Variants in SHROOM3 observed in about 807,000 individuals in gnomAD.
SHROOM3 encodes the protein protein Shroom3.
Under a neutral mutation model 138.6 loss-of-function variants are expected in SHROOM3, and 47 were observed. The observed-to-expected ratio is 0.34, with a 90% CI of 0.27 to 0.43. SHROOM3 has a LOEUF of 0.43. Ranked by LOEUF, SHROOM3 falls within the 20% of genes least tolerant of loss-of-function variation. SHROOM3 has a pLI of 1.00. For missense variants in SHROOM3, 2,491 were observed against 2,596.5 expected, an observed-to-expected ratio of 0.96 and a Z score of 0.88; for synonymous variants, 1,062 against 1,063.3, an observed-to-expected ratio of 1.00 and a Z score of 0.02.
rs199533144 is a variant in SHROOM3, at chr4:76,436,156, G to A, written c.104G>A (p.Gly35Glu). Residue 35 changes from glycine (G) to glutamate (E), a missense_variant, in exon 1 of 11, where the codon GGA becomes GAA. Gly to Glu is a moderately conservative substitution (Grantham distance 98). Coordinates refer to ENST00000296043, the MANE Select transcript of SHROOM3 (RefSeq NM_020859.4). Reference sequence around the variant, plus strand: ...TATCTGGAGGCATTCCTGGAGGGAGGAGCTCCCTGGGGTTTTACTCTAAAG... The same window carrying A: ...TATCTGGAGGCATTCCTGGAGGGAGAAGCTCCCTGGGGTTTTACTCTAAAG... Reference protein sequence around the residue: ...YIYLEAFLEGGAPWGFTLKGG... With the variant: ...YIYLEAFLEGEAPWGFTLKGG... 53 of 1,613,946 alleles carry A rather than the reference G, an allele frequency of 3.3e-5. No homozygotes were observed. Among genetic ancestry groups the A allele is most frequent in the Non-Finnish European group, 4.2e-5 (50 of 1,179,956 alleles).
chr4:76,436,845 A>T (rs949837958), intron 1 of SHROOM3, among the ~76,000 whole-genome samples: 2 of 152,250 alleles, frequency 1.3e-5, no homozygotes, highest in African/African-American at 4.8e-5. Flanking sequence ...AGTCATACCA[A>T]TGAAATATTT....
chr4:76,678,786 G>T (rs6855455), intron 2 of SHROOM3, among the ~76,000 whole-genome samples: 1 of 151,936 alleles, frequency 6.6e-6, no homozygotes, highest in Non-Finnish European at 1.5e-5. Context: ...TCAGCCTCCC[G>T]AGTAGCTGGG....
At chr4:76,702,760 A>T (rs547457018) in intron 2 of SHROOM3, among the ~76,000 whole-genome samples, 1 of 152,146 alleles carries the variant, frequency 6.6e-6, no homozygotes, top group African/African-American at 2.4e-5. Flanking sequence ...TGGTTTTCTT[A>T]TGCACTTGTC....
chr4:76,759,087 T>A (rs1341579441), intron 8 of SHROOM3, among the ~76,000 whole-genome samples: 1 of 152,216 alleles, frequency 6.6e-6, no homozygotes, highest in East Asian at 1.9e-4. Flanking sequence ...CAACAGTGCA[T>A]AGTAGGCACT....
chr4:76,498,066 T>C (rs1329813256), intron 1 of SHROOM3, among the ~76,000 whole-genome samples: 1 of 152,166 alleles, frequency 6.6e-6, no homozygotes, highest in Non-Finnish European at 1.5e-5. Flanking sequence ...TCTCTCCTTC[T>C]GTGTCAATTA....
chr4:76,565,159 T>TAAAA (rs370033081), intron 2 of SHROOM3, among the ~76,000 whole-genome samples: 3 of 75,660 alleles, frequency 4.0e-5, no homozygotes, highest in African/African-American at 5.1e-5. Flanking sequence ...AGACTCCATT[T>TAAAA]CAAAAAAAAA....
At chr4:76,622,363 G>A (rs1577925598) in intron 2 of SHROOM3, among the ~76,000 whole-genome samples, 1 of 151,880 alleles carries the variant, frequency 6.6e-6, no homozygotes, top group African/African-American at 2.4e-5. Flanking sequence ...TCTTTTACTT[G>A]AATGTCAATA....
In SHROOM3 at chr4:76,741,516, C is replaced by T. The variant is rs776652966; in HGVS notation, c.3343C>T (p.Arg1115Cys). The T allele has an allele frequency of 6.4e-6, 10 of 1,553,486 alleles. No individual in the cohort carries two copies. The highest frequency in any genetic ancestry group is 2.4e-5 in the South Asian group (2 of 85,060). The change falls in exon 5 of 11, where the codon CGC (arginine) becomes TGC (cysteine). Residue 1115 changes from arginine to cysteine, a missense_variant. Coordinates refer to ENST00000296043, the MANE Select transcript of SHROOM3 (RefSeq NM_020859.4). The surrounding 1 kb of genome is among the most constrained non-coding windows in gnomAD (Gnocchi z 6.2). ...SLQEPGPLRE[R>C]AQSAYLQPGP... is the part of the protein sequence containing the mutation. ...CCAGGAGCCCGGGCCACTGCGTGAG[C>T]GCGCCCAGAGTGCCTACCTCCAGCC...
intron 9 of SHROOM3, among the ~76,000 whole-genome samples, chr4:76,767,546 G>T (rs910367561): frequency 6.6e-6 from 1 of 152,042 alleles, no homozygotes; most frequent in Non-Finnish European, 1.5e-5. Context: ...GCGTGGTGGC[G>T]GGTGCCAGTA....
chr4:76,508,784 A>T (rs1042543777), intron 1 of SHROOM3, among the ~76,000 whole-genome samples: 9 of 152,210 alleles, frequency 5.9e-5, no homozygotes, highest in Non-Finnish European at 1.2e-4. Flanking sequence ...CTGCCATAAC[A>T]AAATACCTTA....
At chr4:76,473,939 A>G (rs1382242706) in intron 1 of SHROOM3, among the ~76,000 whole-genome samples, 1 of 152,220 alleles carries the variant, frequency 6.6e-6, no homozygotes, top group African/African-American at 2.4e-5. Context: ...TAGAATTACC[A>G]TGTGTCCTAG....
intron 2 of SHROOM3, among the ~76,000 whole-genome samples, chr4:76,698,916 A>G (rs1174796351): frequency 6.6e-6 from 1 of 152,068 alleles, no homozygotes; most frequent in Non-Finnish European, 1.5e-5. Flanking sequence ...TTGGATTTAA[A>G]TATTTATATT....
Position 76,556,560 on chromosome 4 carries a change from C to T in SHROOM3, c.323+797C>T, listed in dbSNP as rs536443762. 6.6e-5 allele frequency among the ~76,000 whole-genome samples: 10 copies of T among 152,328 alleles called. No homozygotes were observed. In the East Asian group the frequency reaches 1.5e-3, roughly 24 times the overall value. ...GATTGCCTGATTCTATTTCATGCCA[C>T]TTGAGCATCATTATCTTGACCTGCT... is the stretch of plus-strand genomic sequence containing the variant. On this transcript the variant is annotated intron_variant, in intron 2 of 10. Coordinates refer to ENST00000296043, the MANE Select transcript of SHROOM3 (RefSeq NM_020859.4).
chr4:76,438,288 G>A (rs549517904), intron 1 of SHROOM3, among the ~76,000 whole-genome samples: 1 of 152,224 alleles, frequency 6.6e-6, no homozygotes, highest in South Asian at 2.1e-4. Context: ...CATGGTCCAA[G>A]TGACTTGCCA....
intron 2 of SHROOM3, among the ~76,000 whole-genome samples, chr4:76,684,661 G>A (rs1199242165): frequency 6.6e-6 from 1 of 152,210 alleles, no homozygotes; most frequent in African/African-American, 2.4e-5. Context: ...AAACCTGGAG[G>A]TGCTTTGGTC....
intron 2 of SHROOM3, among the ~76,000 whole-genome samples, chr4:76,676,938 G>C (rs1404421282): frequency 1.9e-5 from 2 of 105,000 alleles, no homozygotes; most frequent in Non-Finnish European, 3.5e-5. Flanking sequence ...GCGAGACTCC[G>C]TCTCACAAAA....
rs537000080 is a variant in SHROOM3 at position 76,531,513 on chromosome 4, T to C, written c.169-24096T>C. Among the ~76,000 whole-genome samples the C allele has an allele frequency of 3.9e-5, 6 of 152,260 alleles. No individual in the cohort carries two copies. The South Asian group carries it at 1.0e-3, about 26-fold the overall frequency. On this transcript the variant is annotated intron_variant, in intron 1 of 10. Coordinates refer to ENST00000296043, the MANE Select transcript of SHROOM3 (RefSeq NM_020859.4). ...TGTGCTGAGAGACTGGTCCTCTCAG[T>C]TCTTGAGGAGGTACTTGCTGTGATG...
At chr4:76,439,110 T>C (rs1030927820) in intron 1 of SHROOM3, among the ~76,000 whole-genome samples, 2 of 152,250 alleles carry the variant, frequency 1.3e-5, no homozygotes, top group African/African-American at 4.8e-5. Flanking sequence ...TGTTCCTTGC[T>C]GGAGGCTCTA....
Position 76,779,347 on chromosome 4 carries a change from C to A in SHROOM3, c.*170C>A. 1.3e-6 allele frequency: 1 copy of A among 797,684 alleles called. No individual in the cohort carries two copies. Among genetic ancestry groups the A allele is most frequent in the Non-Finnish European group, 1.9e-6 (1 of 521,152 alleles). 49.4% of individuals were successfully genotyped at this position (797,684 alleles called of 1,614,324 possible). On this transcript the variant is annotated 3_prime_UTR_variant, in exon 11 of 11. Transcript: ENST00000296043. ...GAAGCCTTTTTCCTTCTTGCCCTTC[C>A]TGATTGATCTTCTGAGAGCTCGAAT...
Sources: allele counts gnomAD v4.1 joint callset (sites outside exome capture counted in the v4.1 genomes callset), GRCh38; gene constraint gnomAD v4.1.1; non-coding constraint Gnocchi (gnomAD v3.1); transcripts MANE v1.5; gene names NCBI Gene and HGNC (gene_info 2026-07-23, HGNC 2026-07-21).